The following TCOF1 variants were observed in gnomAD, a reference collection of about 807,000 sequenced individuals.
TCOF1 encodes treacle ribosome biogenesis factor 1.
In TCOF1, 33 loss-of-function variants were observed where a neutral mutation model predicts 149.0. The observed-to-expected ratio is 0.22, with a 90% CI of 0.17 to 0.30. The LOEUF is 0.30. Among genes scored for constraint, TCOF1 ranks in the 10% least tolerant of loss-of-function variants. The pLI is 1.00. For missense variants in TCOF1, 1,728 were observed against 1,840.7 expected, an observed-to-expected ratio of 0.94 and a Z score of 1.12; for synonymous variants, 789 against 738.8, an observed-to-expected ratio of 1.07 and a Z score of -1.10.
At chr5:150,384,519 C>A (rs1226321192) in intron 17 of TCOF1, 18 of 985,368 alleles carry the variant, frequency 1.8e-5, no homozygotes, top group Non-Finnish European at 1.9e-5. Flanking sequence ...CTGTGTGGAG[C>A]CTTTACGAGG....
chr5:150,375,624 A>G, intron 11 of TCOF1, 70 bp downstream of exon 11: 45 of 1,612,312 alleles, frequency 2.8e-5, no homozygotes, highest in Non-Finnish European at 3.6e-5. Flanking sequence ...GTGGCCTCCC[A>G]ACCTCACACT....
intron 17 of TCOF1, among the ~76,000 whole-genome samples, chr5:150,383,441 T>G (rs1765642416): frequency 6.6e-6 from 1 of 152,264 alleles, no homozygotes; most frequent in Non-Finnish European, 1.5e-5. Context: ...CCTGGGCAGA[T>G]GCCTTTTCCC....
rs376523159 is a variant in TCOF1 at position 150,387,968 on chromosome 5, G to A, written c.2926G>A (p.Ala976Thr). ...TCCAGCTGGCCCAGCTGCTACACCC[G>A]CACAAGCCCAGGCTGCAAGCACCCC... Reference protein sequence around the residue: ...RSPAGPAATPAQAQAASTPRK... With the variant: ...RSPAGPAATPTQAQAASTPRK... Residue 976 changes from alanine to threonine, a missense_variant, in exon 18 of 27, where the codon GCA becomes ACA. This residue lies in a region of TCOF1 where 1,696 missense variants were observed against 1,765.4 expected (regional missense o/e 0.96). Coordinates refer to ENST00000643257, the MANE Select transcript of TCOF1 (RefSeq NM_001371623.1). 2.6e-5 allele frequency: 42 copies of A among 1,613,786 alleles called. No homozygotes were observed. Among genetic ancestry groups the A allele is most frequent in the African/African-American group, 4.0e-5 (3 of 74,882 alleles).
At position 150,379,413 on chromosome 5, in the gene TCOF1, G is replaced by T. The variant is rs756677941; in HGVS notation, c.2658+5G>T. On this transcript the variant is annotated splice_donor_5th_base_variant and intron_variant, in intron 16 of 26. Transcript: ENST00000643257. The stretch of plus-strand genomic sequence containing the variant: ...GAGGCGGAGACGCTGGCTCAGGTGA[G>T]GGGGAGGGAATGGAGATCATCCCCT... The T allele has an allele frequency of 2.5e-6, 4 of 1,613,880 alleles. No homozygotes were observed. Among genetic ancestry groups the T allele is most frequent in the East Asian group, 2.2e-5 (1 of 44,850 alleles).
chr5:150,379,212 A>C lies in TCOF1; in HGVS notation c.2479-17A>C. The stretch of plus-strand genomic sequence containing the variant: ...AATCACTTTTGCCTCCAATACTATT[A>C]TCCCCCTGCAATTCAGGTGAAGCCA... On this transcript the variant is annotated splice_polypyrimidine_tract_variant and intron_variant, in intron 15 of 26. Coordinates refer to ENST00000643257, the MANE Select transcript of TCOF1 (RefSeq NM_001371623.1). 1 of 1,614,176 alleles carries C rather than the reference A, an allele frequency of 6.2e-7. No homozygotes were observed. Among genetic ancestry groups the C allele is most frequent in the South Asian group, 1.1e-5 (1 of 91,080 alleles).
At chr5:150,382,852 A>G (rs1378808646) in intron 17 of TCOF1, among the ~76,000 whole-genome samples, 1 of 152,212 alleles carries the variant, frequency 6.6e-6, no homozygotes, top group Non-Finnish European at 1.5e-5. Context: ...GTTCGGAGTC[A>G]GCTCTGGAAG....
intron 7 of TCOF1, among the ~76,000 whole-genome samples, chr5:150,373,846 A>C (rs1040302565): frequency 5.3e-5 from 8 of 152,182 alleles, no homozygotes; most frequent in African/African-American, 1.9e-4. Flanking sequence ...CCAGCAGAGG[A>C]CAGGCTCTAA....
chr5:150,359,357 A>G (rs1258065844), intron 1 of TCOF1, among the ~76,000 whole-genome samples: 1 of 152,108 alleles, frequency 6.6e-6, no homozygotes, highest in African/African-American at 2.4e-5. Flanking sequence ...AAAAAAAAAA[A>G]AAACGTCCAT....
At position 150,389,921 on chromosome 5, in the gene TCOF1, C is replaced by T. The variant is rs369065940; in HGVS notation, c.3081C>T (p.Ala1027=). Residue 1027 remains alanine (A), a synonymous_variant, in exon 19 of 27, where the codon GCC becomes GCT. Coordinates refer to ENST00000643257, the MANE Select transcript of TCOF1 (RefSeq NM_001371623.1). ...CCAATGTGGTGACCATGCCCACTGCCCACCCAAGAATAGCCCCCAAAGCCA... is the reference window on the plus strand; with the variant it reads ...CCAATGTGGTGACCATGCCCACTGCTCACCCAAGAATAGCCCCCAAAGCCA... The part of the protein sequence containing the change: ...IRTNVVTMPT[A]HPRIAPKASM... 3.7e-6 allele frequency: 6 copies of T among 1,614,090 alleles called. No individual in the cohort carries two copies. The African/African-American group carries it at 8.0e-5, about 22-fold the overall frequency.
Position 150,396,315 on chromosome 5 carries a change from A to G in TCOF1, c.3818A>G (p.Gln1273Arg). 6.2e-7 allele frequency: 1 copy of G among 1,614,006 alleles called. No homozygotes were observed. The highest frequency in any genetic ancestry group is 8.5e-7 in the Non-Finnish European group (1 of 1,180,042). ...GAGGCTGCTTCAGGCACCACACCTCAGAAGTCCCGGAAGCCCAAGAAAGGG... is the reference window on the plus strand; with the variant it reads ...GAGGCTGCTTCAGGCACCACACCTCGGAAGTCCCGGAAGCCCAAGAAAGGG... ...GKEAASGTTP[Q>R]KSRKPKKGAG... The change falls in exon 24 of 27, where the codon CAG becomes CGG. Residue 1273 changes from glutamine to arginine, a missense_variant. Transcript: ENST00000643257.
Position 150,357,782 on chromosome 5 carries a change from C to T in TCOF1, c.36C>T (p.Pro12=). ...AEARKRRELL[P]LIYHHLLRAG... is the part of the protein sequence containing the mutation. Reference sequence around the variant, plus strand: ...CCAGGAAGCGGCGGGAGCTACTTCCCCTGATCTACCACCATCTGCTGCGGG... The same window carrying T: ...CCAGGAAGCGGCGGGAGCTACTTCCTCTGATCTACCACCATCTGCTGCGGG... The change falls in exon 1 of 27, where the codon CCC becomes CCT. Residue 12 remains proline, a synonymous_variant. Coordinates refer to ENST00000643257, the MANE Select transcript of TCOF1 (RefSeq NM_001371623.1). 6.5e-7 allele frequency: 1 copy of T among 1,549,722 alleles called. No individual in the cohort carries two copies. The highest frequency in any genetic ancestry group is 8.7e-7 in the Non-Finnish European group (1 of 1,146,572).
rs762411248 is a variant in TCOF1, at chr5:150,374,785, G to A, written c.1252G>A (p.Asp418Asn). The A allele has an allele frequency of 6.2e-7, 1 of 1,612,200 alleles. No individual in the cohort carries two copies. The highest frequency in any genetic ancestry group is 1.1e-5 in the South Asian group (1 of 90,946). Residue 418 changes from aspartate to asparagine, a missense_variant, in exon 9 of 27, where the codon GAC becomes AAC. Asp to Asn is a conservative substitution (Grantham distance 23). This residue lies in a region of TCOF1 where 1,696 missense variants were observed against 1,765.4 expected (regional missense o/e 0.96). Transcript: ENST00000643257. ...EDSQSSSEES[D>N]SEEEAPAQAK... The stretch of plus-strand genomic sequence containing the variant: ...CTCGCAGAGCAGCAGCGAGGAATCG[G>A]ACAGTGAGGAGGAGGCGCCTGCTCA...
chr5:150,362,849 C>A (rs1562282490), intron 2 of TCOF1, among the ~76,000 whole-genome samples: 1 of 152,196 alleles, frequency 6.6e-6, no homozygotes, highest in Non-Finnish European at 1.5e-5. Flanking sequence ...TCTGCACACT[C>A]TTCCCTGCCA....
rs560180060 is a variant in TCOF1 at position 150,396,894 on chromosome 5, G to A, written c.4345+52G>A. The A allele has an allele frequency of 3.2e-5, 49 of 1,548,826 alleles. No homozygotes were observed. In the South Asian group the frequency reaches 5.5e-4, roughly 17 times the overall value. On this transcript the variant is annotated intron_variant, in intron 24 of 26. Transcript: ENST00000643257. ...CCCAAGGGCTGCTGGGCACCCCACG[G>A]GGGCGGGAGGGACCCTCAGCCAGCA...
Position 150,388,188 on chromosome 5 carries a change from G to T in TCOF1, c.3046+100G>T, listed in dbSNP as rs1033319885. 5.2e-6 allele frequency: 8 copies of T among 1,529,970 alleles called. No individual in the cohort carries two copies. The Admixed American group carries it at 1.5e-4, about 28-fold the overall frequency. 94.8% of individuals were successfully genotyped at this position (1,529,970 alleles called of 1,614,324 possible). ...CACTGGCTGAGTCACATAGCAAGGT[G>T]TTGGTCGGGAGGGGCTTGGGGTCAG... On this transcript the variant is annotated intron_variant, in intron 18 of 26. Transcript: ENST00000643257.
At position 150,374,742 on chromosome 5, in the gene TCOF1, G is replaced by A. The variant is rs780479645; in HGVS notation, c.1209G>A (p.Ala403=). The change falls in exon 9 of 27, where the codon GCG becomes GCA. Residue 403 remains alanine (A), a synonymous_variant. Coordinates refer to ENST00000643257, the MANE Select transcript of TCOF1 (RefSeq NM_001371623.1). Reference sequence around the variant, plus strand: ...GGCCTGCAGTTGCCAAGGCCCAGGCGGGGAAGCGGGAGGAGGACTCGCAGA... The same window carrying A: ...GGCCTGCAGTTGCCAAGGCCCAGGCAGGGAAGCGGGAGGAGGACTCGCAGA... ...KTGPAVAKAQ[A]GKREEDSQSS... 15 of 1,612,782 alleles carry A rather than the reference G, an allele frequency of 9.3e-6. No homozygotes were observed. Among genetic ancestry groups the A allele is most frequent in the South Asian group, 2.2e-5 (2 of 91,030 alleles).
chr5:150,388,180 A>G (rs1159850909), intron 18 of TCOF1, 92 bp downstream of exon 18: 2 of 1,560,602 alleles, frequency 1.3e-6, no homozygotes, highest in East Asian at 4.6e-5. Flanking sequence ...TGAGTCACAT[A>G]GCAAGGTGTT....
chr5:150,382,553 G>C (rs1050752859), intron 17 of TCOF1, among the ~76,000 whole-genome samples: 15 of 152,198 alleles, frequency 9.9e-5, no homozygotes, highest in Admixed American at 9.8e-4. Flanking sequence ...ATCACCACCA[G>C]CATTTCCACC....
In TCOF1 at chr5:150,391,557, A is replaced by G. The variant is rs756425499; in HGVS notation, c.3197A>G (p.Asn1066Ser). The change falls in exon 20 of 27, where the codon AAC becomes AGC. Residue 1066 changes from asparagine to serine, a missense_variant. By Grantham distance (46) the Asn-to-Ser change is conservative. This residue lies in a region of TCOF1 where 1,696 missense variants were observed against 1,765.4 expected (regional missense o/e 0.96). Transcript: ENST00000643257. ...EGPATQVSKK[N>S]PASLPLTQAA... ...TGCCACCCACAGGTGTCAAAGAAGA[A>G]CCCAGCTTCCCTCCCACTGACCCAG... 6.2e-7 allele frequency: 1 copy of G among 1,614,026 alleles called. No individual in the cohort carries two copies. Among genetic ancestry groups the G allele is most frequent in the Non-Finnish European group, 8.5e-7 (1 of 1,179,994 alleles).
Sources: gnomAD v4.1 joint callset for allele counts (sites outside exome capture counted in the v4.1 genomes callset) on GRCh38, gnomAD v4.1.1 for gene constraint, gnomAD v4.1.1 regional missense constraint, MANE v1.5 for transcripts, NCBI Gene and HGNC (gene_info 2026-07-23, HGNC 2026-07-21) for gene names.